Variants in ESR1 observed in about 807,000 individuals in gnomAD.
ESR1 encodes the protein estrogen receptor.
A neutral mutation model predicts 52.7 loss-of-function variants in ESR1; 12 were observed. That is an observed-to-expected ratio of 0.23 (90% CI 0.15 to 0.37). The LOEUF is 0.37. Among genes scored for constraint, ESR1 ranks in the 10% least tolerant of loss-of-function variants. The pLI, the probability that ESR1 is intolerant of heterozygous loss-of-function variation, is 1.00. For missense variants in ESR1, 584 were observed against 779.7 expected (o/e 0.75, Z 2.99); for synonymous variants, 305 against 316.8 (o/e 0.96, Z 0.39).
intron 6 of ESR1, chr6:152,122,304 C>A: frequency 7.0e-7 from 1 of 1,437,942 alleles, no homozygotes; most frequent in Non-Finnish European, 9.7e-7. Context: ...CACATGTGAT[C>A]TGGAGGAGGG....
rs1335977891 is a variant in ESR1 at position 152,103,245 on chromosome 6, T to C, written c.*4279T>C. On this transcript the variant is annotated 3_prime_UTR_variant, in exon 8 of 8. Coordinates refer to ENST00000206249, the MANE Select transcript of ESR1 (RefSeq NM_000125.4). Reference sequence around the variant, plus strand: ...ACCTGTAAACAATTTTCTCAACCTATTTGATGTTCAAATAAAGAATTAAAC... The same window carrying C: ...ACCTGTAAACAATTTTCTCAACCTACTTGATGTTCAAATAAAGAATTAAAC... The C allele has an allele frequency of 5.5e-6, 1 of 182,442 alleles. No individual in the cohort carries two copies. The highest frequency in any genetic ancestry group is 1.2e-5 in the Non-Finnish European group (1 of 85,362). The allele number at this position is 182,442 out of a possible 1,614,324, so 11.3% of individuals were successfully genotyped here.
chr6:151,992,422 C>T (rs1368068212), intron 4 of ESR1, among the ~76,000 whole-genome samples: 1 of 152,150 alleles, frequency 6.6e-6, no homozygotes, highest in Non-Finnish European at 1.5e-5. Context: ...CCTTTTGTGC[C>T]TGGCTTATTT....
At chr6:151,843,155 G>T (rs1784560471) in intron 2 of ESR1, among the ~76,000 whole-genome samples, 1 of 152,200 alleles carries the variant, frequency 6.6e-6, no homozygotes, top group Non-Finnish European at 1.5e-5. Context: ...TTGCCTATAT[G>T]ATCTGGTATA....
intron 5 of ESR1, among the ~76,000 whole-genome samples, chr6:152,028,991 G>A (rs963724456): frequency 3.3e-5 from 5 of 152,158 alleles, no homozygotes; most frequent in East Asian, 1.9e-4. Context: ...ACCAATATCC[G>A]CTGTTCTGCA....
chr6:151,686,667 G>C (rs1011017609), upstream of ESR1, among the ~76,000 whole-genome samples: 1 of 151,280 alleles, frequency 6.6e-6, no homozygotes, highest in African/African-American at 2.4e-5. Context: ...CAGCCTGGGT[G>C]ACAGAGCAAG....
intron 2 of ESR1, among the ~76,000 whole-genome samples, chr6:151,726,983 T>G (rs1781895270): frequency 6.6e-6 from 1 of 152,186 alleles, no homozygotes; most frequent in African/African-American, 2.4e-5. Flanking sequence ...TGATGTTTGC[T>G]CTACAGATTT....
At chr6:151,817,605 G>A (rs1300378868) in intron 1 of ESR1, among the ~76,000 whole-genome samples, 2 of 152,188 alleles carry the variant, frequency 1.3e-5, no homozygotes, top group Non-Finnish European at 2.9e-5. Flanking sequence ...AAGACTGGCC[G>A]TTGCATTTGA....
At chr6:151,720,179 T>C (rs1439246818) in intron 2 of ESR1, among the ~76,000 whole-genome samples, 2 of 152,210 alleles carry the variant, frequency 1.3e-5, no homozygotes, top group African/African-American at 4.8e-5. Context: ...TCCTTTATCA[T>C]GTGTCTGGCA....
At chr6:152,084,886 T>G (rs2049569835) in intron 6 of ESR1, among the ~76,000 whole-genome samples, 1 of 152,214 alleles carries the variant, frequency 6.6e-6, no homozygotes, top group Admixed American at 6.5e-5. Context: ...CCATGTGTTT[T>G]GATAATCACC....
chr6:151,821,992 C>T (rs1780632656), intron 1 of ESR1, among the ~76,000 whole-genome samples: 1 of 152,158 alleles, frequency 6.6e-6, no homozygotes, highest in African/African-American at 2.4e-5. Context: ...TGGGTTGTAA[C>T]TGTACTACAC....
chr6:151,793,333 G>C (rs998026470), intron 2 of ESR1, among the ~76,000 whole-genome samples: 1 of 152,022 alleles, frequency 6.6e-6, no homozygotes, highest in African/African-American at 2.4e-5. Context: ...CCCTGGAGCT[G>C]TCATCTCCTC....
intron 2 of ESR1, among the ~76,000 whole-genome samples, chr6:151,711,785 C>T (rs1457906751): frequency 1.3e-5 from 2 of 152,104 alleles, no homozygotes; most frequent in Non-Finnish European, 2.9e-5. Flanking sequence ...ATTTTTCCCC[C>T]ATTCTGTAGG....
chr6:152,049,796 G>A (rs553428186), intron 5 of ESR1, among the ~76,000 whole-genome samples: 1 of 152,278 alleles, frequency 6.6e-6, no homozygotes, highest in South Asian at 2.1e-4. Flanking sequence ...GTTGGAAGTG[G>A]AAATGGATGT....
chr6:151,811,618 T>C (rs959247660), intron 1 of ESR1, among the ~76,000 whole-genome samples: 1 of 152,230 alleles, frequency 6.6e-6, no homozygotes, highest in Non-Finnish European at 1.5e-5. Flanking sequence ...TTCTCAACTT[T>C]GAATAGAGAC....
In ESR1 at chr6:151,880,244, G is replaced by A. The variant is rs9340842; in HGVS notation, c.644-411G>A. Among the ~76,000 whole-genome samples, 1,284 of 147,118 alleles carry A rather than the reference G, an allele frequency of 8.7e-3. 42 individuals carry two copies. The East Asian group carries it at 0.1, about 11-fold the overall frequency. On this transcript the variant is annotated intron_variant, in intron 2 of 7. Transcript: ENST00000206249. ...GTTGCCTAGGCTGGAGTGCAGTGGC[G>A]CAATCTCGGCTCACTGCAACCTCCG...
rs146215650 is a variant in ESR1 at position 151,832,452 on chromosome 6, G to A, written c.453-10145G>A. On this transcript the variant is annotated intron_variant, in intron 1 of 7. Transcript: ENST00000206249. ...ATTGCATAGCAATTAGAAATACCCA[G>A]GAGGTATGTTATGGTCACAGACACA... is the stretch of plus-strand genomic sequence containing the variant. 5.9e-5 allele frequency among the ~76,000 whole-genome samples: 9 copies of A among 152,242 alleles called. No individual in the cohort carries two copies. The East Asian group carries it at 1.7e-3, about 29-fold the overall frequency.
intron 4 of ESR1, among the ~76,000 whole-genome samples, chr6:151,969,667 C>T (rs145127881): frequency 6.6e-6 from 1 of 152,338 alleles, no homozygotes; most frequent in Non-Finnish European, 1.5e-5. Flanking sequence ...TTCCCTCCCA[C>T]TTACCTGTCT....
intron 2 of ESR1, among the ~76,000 whole-genome samples, chr6:151,759,258 G>C (rs188965148): frequency 1.5e-5 from 2 of 130,186 alleles, no homozygotes; most frequent in Admixed American, 8.3e-5. Context: ...ATGGCGACTG[G>C]ACTCTGTCTC....
chr6:152,067,185 C>T (rs1041521390), intron 6 of ESR1, among the ~76,000 whole-genome samples: 1 of 152,090 alleles, frequency 6.6e-6, no homozygotes, highest in Non-Finnish European at 1.5e-5. Context: ...CATCTCAAGT[C>T]CCAAATGGTG....
Sources: allele counts gnomAD v4.1 joint callset (sites outside exome capture counted in the v4.1 genomes callset), GRCh38; gene constraint gnomAD v4.1.1; transcripts MANE v1.5; gene names NCBI Gene and HGNC (gene_info 2026-07-23, HGNC 2026-07-21).